PLXNA2: variants seen among roughly 807,000 people sequenced by gnomAD.
PLXNA2 encodes the protein plexin-A2.
PLXNA2 carries 91 observed loss-of-function variants against 193.5 expected under a neutral mutation model. That is an observed-to-expected ratio of 0.47 (90% CI 0.40 to 0.56). PLXNA2 has a LOEUF of 0.56. Ranked by LOEUF, PLXNA2 falls within the 20% of genes least tolerant of loss-of-function variation. PLXNA2 has a pLI of 0.00. For missense variants in PLXNA2, 1,995 were observed against 2,503.2 expected, an observed-to-expected ratio of 0.80 and a Z score of 4.33; for synonymous variants, 997 against 1,027.3, an observed-to-expected ratio of 0.97 and a Z score of 0.56.
chr1:208,098,518 T>C (rs552526754), intron 6 of PLXNA2, among the ~76,000 whole-genome samples: 10 of 144,526 alleles, frequency 6.9e-5, no homozygotes, highest in South Asian at 2.2e-4. Context: ...TCTTTAAGAG[T>C]GCAGTGAGTG....
intron 13 of PLXNA2, among the ~76,000 whole-genome samples, 156 bp downstream of exon 13, chr1:208,060,530 G>A (rs978809199): frequency 5.9e-5 from 9 of 152,166 alleles, no homozygotes; most frequent in Non-Finnish European, 1.0e-4. Context: ...GGAGGTGAGG[G>A]AGGAGGGGGC....
intron 29 of PLXNA2, 141 bp from the exon 30 acceptor site, chr1:208,029,183 A>C (rs1437922966): frequency 9.7e-5 from 141 of 1,457,808 alleles, no homozygotes; most frequent in Non-Finnish European, 1.2e-4. Flanking sequence ...GGGTCCAGCC[A>C]GGGTTAATTT....
At chr1:208,150,554 T>G (rs954009360) in intron 3 of PLXNA2, among the ~76,000 whole-genome samples, 5 of 152,168 alleles carry the variant, frequency 3.3e-5, no homozygotes, top group African/African-American at 1.2e-4. Flanking sequence ...TTATTGAGCA[T>G]TTACTATGAG....
rs1421438635 is a variant in PLXNA2, at chr1:208,060,828, C to T, written c.2596G>A (p.Val866Met). 3 of 1,613,740 alleles carry T rather than the reference C, an allele frequency of 1.9e-6. No individual in the cohort carries two copies. Among genetic ancestry groups the T allele is most frequent in the South Asian group, 2.2e-5 (2 of 91,044 alleles). Residue 866 changes from valine to methionine, a missense_variant, in exon 13 of 32, where the codon GTG (valine) becomes ATG (methionine). Val to Met is a conservative substitution (Grantham distance 21). Transcript: ENST00000367033. ...GTCCCTCCTTCCGGCGGTCCAGACA[C>T]CGTCAAAATCTGCAGGAGGGAAATG... ...SNPQITEILTVSGPPEGGTRV... is the reference protein window; with the variant it reads ...SNPQITEILTMSGPPEGGTRV...
At chr1:208,216,211 T>G (rs1003809657) in intron 2 of PLXNA2, among the ~76,000 whole-genome samples, 1 of 152,200 alleles carries the variant, frequency 6.6e-6, no homozygotes, top group East Asian at 1.9e-4. Context: ...CTCCTCACCC[T>G]TTCTCTCTCT....
At chr1:208,058,212 T>A (rs1256788089) in intron 13 of PLXNA2, among the ~76,000 whole-genome samples, 2 of 152,148 alleles carry the variant, frequency 1.3e-5, no homozygotes, top group Non-Finnish European at 2.9e-5. Flanking sequence ...GGGAATCTGC[T>A]CCATGTGGAG....
chr1:208,039,959 G>A (rs1664812573), intron 23 of PLXNA2, 33 bp downstream of exon 23: 1 of 1,608,622 alleles, frequency 6.2e-7, no homozygotes, highest in Non-Finnish European at 8.5e-7. Context: ...ATCCTGCCCT[G>A]GACGCTAGGC....
chr1:208,064,974 T>C (rs1389015280), intron 12 of PLXNA2, among the ~76,000 whole-genome samples: 1 of 152,112 alleles, frequency 6.6e-6, no homozygotes, highest in Non-Finnish European at 1.5e-5. Flanking sequence ...TTCCACAAAG[T>C]TGGCTCTCCT....
At chr1:208,129,615 C>T (rs1004342651) in intron 4 of PLXNA2, among the ~76,000 whole-genome samples, 14 of 152,186 alleles carry the variant, frequency 9.2e-5, no homozygotes, top group African/African-American at 3.4e-4. Context: ...TATTTCTTTG[C>T]TTTTTTATTC....
In PLXNA2 at chr1:208,142,441, T is replaced by TG. The variant is rs752105673; in HGVS notation, c.1393dup (p.His465ProfsTer27). ...GACCATCTCGTACTGGACCCCACCATGGGGGGGACCGTCGGCCCGAATCTG... is the reference window on the plus strand; with the variant it reads ...GACCATCTCGTACTGGACCCCACCATGGGGGGGGACCGTCGGCCCGAATCTG... On this transcript the variant is annotated frameshift_variant, in exon 4 of 32. Transcript: ENST00000367033. LOFTEE classifies it high-confidence loss of function. 5 of 1,610,806 alleles carry TG rather than the reference T, an allele frequency of 3.1e-6. No homozygotes were observed. The highest frequency in any genetic ancestry group is 2.2e-5 in the South Asian group (2 of 90,600).
At chr1:208,229,950 G>A (rs1671635620) in intron 1 of PLXNA2, among the ~76,000 whole-genome samples, 1 of 152,152 alleles carries the variant, frequency 6.6e-6, no homozygotes, top group Non-Finnish European at 1.5e-5. Context: ...GACGGACCTG[G>A]GCTCAAGTCT....
rs566014825 is a variant in PLXNA2 at position 208,159,503 on chromosome 1, CTCTT to C, written c.1372-17044_1372-17041del. 1.2e-4 allele frequency among the ~76,000 whole-genome samples: 19 copies of C among 152,324 alleles called. No homozygotes were observed. In the East Asian group the frequency reaches 3.5e-3, roughly 28 times the overall value. On this transcript the variant is annotated intron_variant, in intron 3 of 31. Coordinates refer to ENST00000367033, the MANE Select transcript of PLXNA2 (RefSeq NM_025179.4). ...ACAATCCCACGTCCTCCAGCTCGTGCTCTTTCTGTCTTGAGAGTCTGGGCATTTA... is the reference window on the plus strand; with the variant it reads ...ACAATCCCACGTCCTCCAGCTCGTGCTCTGTCTTGAGAGTCTGGGCATTTA...
intron 29 of PLXNA2, chr1:208,031,158 C>A: frequency 9.9e-7 from 1 of 1,005,170 alleles, no homozygotes. Context: ...TTCAGGGATT[C>A]CCCATCTCAG....
At chr1:208,085,952 C>CT (rs1315786869) in intron 9 of PLXNA2, among the ~76,000 whole-genome samples, 2 of 152,250 alleles carry the variant, frequency 1.3e-5, no homozygotes, top group East Asian at 3.9e-4. Context: ...TCTTCTTTTA[C>CT]TTTTTTGGTT....
At chr1:208,171,828 C>T (rs1256882268) in intron 3 of PLXNA2, among the ~76,000 whole-genome samples, 1 of 151,830 alleles carries the variant, frequency 6.6e-6, no homozygotes, top group African/African-American at 2.4e-5. Flanking sequence ...TGCATGCCAG[C>T]CTGAGTGACA....
At position 208,115,398 on chromosome 1, in the gene PLXNA2, T is replaced by C. The variant is rs144902942; in HGVS notation, c.1507-12151A>G. On this transcript the variant is annotated intron_variant, in intron 4 of 31. Transcript: ENST00000367033. ...CCACCAGACTGCTATATATATAAGT[T>C]GTATAAAAGTTATCTGCAGCTGAAG... 2.6e-3 allele frequency among the ~76,000 whole-genome samples: 401 copies of C among 152,288 alleles called. 4 individuals are homozygous for C. The highest frequency in any genetic ancestry group is 4.8e-3 in the Non-Finnish European group (327 of 68,026).
chr1:208,060,021 C>G (rs192227906), intron 13 of PLXNA2, among the ~76,000 whole-genome samples: 110 of 152,276 alleles, frequency 7.2e-4, no homozygotes, highest in South Asian at 1.7e-3. Context: ...CCTGATAAAT[C>G]ATGCAGAATG....
chr1:208,045,765 A>C (rs930636877), intron 18 of PLXNA2, 113 bp downstream of exon 18: 8 of 1,338,554 alleles, frequency 6.0e-6, no homozygotes, highest in Non-Finnish European at 7.3e-6. Flanking sequence ...CAGCTTTGCA[A>C]GTTCAATTGC....
intron 18 of PLXNA2, 67 bp from the exon 19 acceptor site, chr1:208,045,277 A>T: frequency 6.5e-7 from 1 of 1,529,934 alleles, no homozygotes; most frequent in East Asian, 2.3e-5. Flanking sequence ...TGCCTACTTA[A>T]AAAGAGATTA....
Sources: gnomAD v4.1 joint callset for allele counts (sites outside exome capture counted in the v4.1 genomes callset) on GRCh38, gnomAD v4.1.1 for gene constraint, MANE v1.5 for transcripts, NCBI Gene and HGNC (gene_info 2026-07-23, HGNC 2026-07-21) for gene names.